The following NDUFB6 variants were observed in gnomAD, a reference collection of about 807,000 sequenced individuals.
NDUFB6 encodes NADH:ubiquinone oxidoreductase subunit B6, also known as NADH dehydrogenase [ubiquinone] 1 beta subcomplex subunit 6.
In NDUFB6, 23 loss-of-function variants were observed where a neutral mutation model predicts 17.5. The ratio of observed to expected loss-of-function variants is 1.31; its 90% CI spans 0.94 to 1.86. NDUFB6 has a LOEUF of 1.86. Ranked by LOEUF, NDUFB6 falls within the 40% of genes most tolerant of loss-of-function variation. The probability of loss-of-function intolerance (pLI) is 0.00; values close to 1 mark genes in which losing one functional copy is unlikely to be tolerated. For missense variants in NDUFB6, 167 were observed against 153.8 expected, an observed-to-expected ratio of 1.09 and a Z score of -0.46; for synonymous variants, 60 against 53.5, an observed-to-expected ratio of 1.12 and a Z score of -0.53.
At chr9:32,559,657 T>C (rs1563993208) in intron 2 of NDUFB6, among the ~76,000 whole-genome samples, 1 of 152,314 alleles carries the variant, frequency 6.6e-6, no homozygotes, top group East Asian at 1.9e-4. Flanking sequence ...CTTCATTTCA[T>C]TTATGTTTGT....
rs777927045 is a variant in NDUFB6, at chr9:32,553,938, T to C, written c.325A>G (p.Thr109Ala). The stretch of plus-strand genomic sequence containing the variant: ...ATTACTTCTCCAGTCTCCAGAATTG[T>C]ATCACCCTAGGAAAACAAAGATACA... ...EKKSRIFPGDTILETGEVIPP... is the reference protein window; with the variant it reads ...EKKSRIFPGDAILETGEVIPP... Residue 109 changes from threonine to alanine, a missense_variant, in exon 4 of 4, where the codon ACA becomes GCA. Thr to Ala is a moderately conservative substitution (Grantham distance 58, BLOSUM62 0). Transcript: ENST00000379847. The C allele has an allele frequency of 2.8e-5, 45 of 1,589,214 alleles. No homozygotes were observed. The highest frequency in any genetic ancestry group is 3.7e-5 in the Non-Finnish European group (43 of 1,159,076).
chr9:32,558,052 T>C (rs1821518326), intron 3 of NDUFB6, among the ~76,000 whole-genome samples: 1 of 152,050 alleles, frequency 6.6e-6, no homozygotes, highest in Admixed American at 6.6e-5. Flanking sequence ...GACTACTGAG[T>C]CACCTTTTAA....
intron 2 of NDUFB6, among the ~76,000 whole-genome samples, chr9:32,570,329 C>A (rs894886223): frequency 6.6e-6 from 1 of 152,152 alleles, no homozygotes; most frequent in Admixed American, 6.6e-5. Context: ...CTTTTGTGCT[C>A]CAACACTTCA....
rs555892430 is a variant in NDUFB6 at position 32,561,476 on chromosome 9, T to C, written c.274-2522A>G. On this transcript the variant is annotated intron_variant, in intron 2 of 3. Coordinates refer to ENST00000379847, the MANE Select transcript of NDUFB6 (RefSeq NM_002493.5). ...CTGAGTAGCTGGGATTACAGGCACA[T>C]GCCACCAAGCCCAGCTAATTTTTTT... is the stretch of plus-strand genomic sequence containing the variant. Among the ~76,000 whole-genome samples the C allele has an allele frequency of 2.0e-4, 31 of 152,144 alleles. 2 individuals carry two copies. The East Asian group carries it at 2.1e-3, about 10-fold the overall frequency.
intron 2 of NDUFB6, chr9:32,568,233 T>C (rs1821854931): frequency 1.2e-5 from 2 of 169,872 alleles, no homozygotes; most frequent in African/African-American, 4.8e-5. Flanking sequence ...GTGGATGACT[T>C]TGAGGGGTTC....
intron 2 of NDUFB6, chr9:32,565,392 T>C (rs1821753685): frequency 6.6e-6 from 1 of 152,152 alleles, no homozygotes. Flanking sequence ...CTTTTGGGCA[T>C]TTAGAACAGT....
intron 2 of NDUFB6, chr9:32,566,891 C>T: frequency 1.7e-6 from 1 of 590,562 alleles, no homozygotes; most frequent in Non-Finnish European, 3.1e-6. Flanking sequence ...TGGCGAAAAG[C>T]ACTGAGGAAG....
chr9:32,565,297 A>C (rs550576770), intron 2 of NDUFB6: 78 of 152,288 alleles, frequency 5.1e-4, no homozygotes, highest in African/African-American at 1.9e-3. Context: ...GTCTCAAAAA[A>C]AAAAAAGAAA....
At chr9:32,554,957 T>C (rs962749442) in intron 3 of NDUFB6, among the ~76,000 whole-genome samples, 4 of 152,194 alleles carry the variant, frequency 2.6e-5, no homozygotes, top group African/African-American at 9.7e-5. Flanking sequence ...GTTTGGATCC[T>C]TGGGATCCTT....
In NDUFB6 at chr9:32,573,130, T is replaced by G; in HGVS notation, c.-70A>C. 1.4e-6 allele frequency: 2 copies of G among 1,421,292 alleles called. No individual in the cohort carries two copies. The highest frequency in any genetic ancestry group is 1.9e-6 in the Non-Finnish European group (2 of 1,079,262). 88.0% of individuals were successfully genotyped at this position (1,421,292 alleles called of 1,614,324 possible). A position where few individuals can be genotyped will look rare whatever the true frequency, so the allele number is the denominator to read the frequency against. ...CTACGGACTAGTTACTTAAGCGCGCTCCCGCTCTGCAAAGCGACCTTGCGG... is the reference window on the plus strand; with the variant it reads ...CTACGGACTAGTTACTTAAGCGCGCGCCCGCTCTGCAAAGCGACCTTGCGG... On this transcript the variant is annotated 5_prime_UTR_variant, in exon 1 of 4. Transcript: ENST00000379847.
rs181552604 is a variant in NDUFB6, at chr9:32,560,422, G to A, written c.274-1468C>T. Among the ~76,000 whole-genome samples, 711 of 152,292 alleles carry A rather than the reference G, an allele frequency of 4.7e-3. 5 individuals carry two copies. Among genetic ancestry groups the A allele is most frequent in the Non-Finnish European group, 8.6e-3 (587 of 68,018 alleles). On this transcript the variant is annotated intron_variant, in intron 2 of 3. Transcript: ENST00000379847. ...TCCCAGAAAAATGTAGTTAAATTTA[G>A]ATATGATAAAGTAAGTTAAACCCAG...
intron 3 of NDUFB6, among the ~76,000 whole-genome samples, chr9:32,558,117 A>ATTTTTTTTTTTTTT (rs74178816): frequency 3.0e-5 from 4 of 135,254 alleles, no homozygotes; most frequent in African/African-American, 8.2e-5. Context: ...CATAGTATAC[A>ATTTTTTTTTTTTTT]TTTTTTTTTT....
intron 3 of NDUFB6, among the ~76,000 whole-genome samples, chr9:32,557,196 A>G (rs1368613091): frequency 9.6e-6 from 1 of 104,438 alleles, no homozygotes; most frequent in African/African-American, 4.1e-5. Flanking sequence ...ACAGAGTCTC[A>G]CTCTGTGACC....
rs1300693695 is a variant in NDUFB6 at position 32,564,189 on chromosome 9, C to A, written c.274-5235G>T. The stretch of plus-strand genomic sequence containing the variant: ...ATATCTATTTCTAGGTCTATCAATA[C>A]ATTTTAAAAACCATGAGTTCACACC... On this transcript the variant is annotated intron_variant, in intron 2 of 3. Transcript: ENST00000379847. Among the ~76,000 whole-genome samples the A allele has an allele frequency of 3.3e-5, 5 of 152,304 alleles. No homozygotes were observed. In the East Asian group the frequency reaches 9.6e-4, roughly 29 times the overall value.
intron 2 of NDUFB6, chr9:32,565,518 G>C (rs1587646942): frequency 6.6e-6 from 1 of 152,210 alleles, no homozygotes; most frequent in Admixed American, 6.5e-5. Flanking sequence ...CACCGTTTTA[G>C]TATGGTGACC....
intron 3 of NDUFB6, among the ~76,000 whole-genome samples, chr9:32,555,619 CA>C (rs1196421727): frequency 1.3e-5 from 2 of 152,162 alleles, no homozygotes; most frequent in African/African-American, 2.4e-5. Flanking sequence ...AATGGATGGA[CA>C]AACCAAACAT....
In NDUFB6 at chr9:32,573,091, G is replaced by A. The variant is rs755174931; in HGVS notation, c.-31C>T. On this transcript the variant is annotated 5_prime_UTR_variant, in exon 1 of 4. Coordinates refer to ENST00000379847, the MANE Select transcript of NDUFB6 (RefSeq NM_002493.5). ...CGCTGGTACCAACGCAAAAGGACAC[G>A]GCGCACCCTCGAACTACGGACTAGT... 1.7e-5 allele frequency: 26 copies of A among 1,503,894 alleles called. No individual in the cohort carries two copies. The highest frequency in any genetic ancestry group is 2.5e-5 in the East Asian group (1 of 40,524). 93.2% of individuals were successfully genotyped at this position (1,503,894 alleles called of 1,614,324 possible).
intron 2 of NDUFB6, among the ~76,000 whole-genome samples, chr9:32,569,439 C>T (rs185520365): frequency 3.3e-5 from 5 of 151,594 alleles, no homozygotes; most frequent in African/African-American, 4.8e-5. Context: ...AGGATGGTCT[C>T]GATCTCTTGA....
In NDUFB6 at chr9:32,573,138, T is replaced by C. The variant is rs375256507; in HGVS notation, c.-78A>G. 2.1e-5 allele frequency: 29 copies of C among 1,407,580 alleles called. No homozygotes were observed. In the East Asian group the frequency reaches 3.9e-4, roughly 19 times the overall value. The allele number at this position is 1,407,580 out of a possible 1,614,324, so 87.2% of individuals were successfully genotyped here. A position where few individuals can be genotyped will look rare whatever the true frequency, so the allele number is the denominator to read the frequency against. On this transcript the variant is annotated 5_prime_UTR_variant, in exon 1 of 4. Transcript: ENST00000379847. ...TAGTTACTTAAGCGCGCTCCCGCTC[T>C]GCAAAGCGACCTTGCGGGAACGCCG...
Sources: gnomAD v4.1 joint callset for allele counts (sites outside exome capture counted in the v4.1 genomes callset) on GRCh38, gnomAD v4.1.1 for gene constraint, MANE v1.5 for transcripts, NCBI Gene and HGNC (gene_info 2026-07-23, HGNC 2026-07-21) for gene names.